Variants in HDGFL3 observed in about 807,000 individuals in gnomAD.
The protein encoded by HDGFL3 is HDGF like 3.
In HDGFL3, 6 loss-of-function variants were observed where a neutral mutation model predicts 27.6. The observed-to-expected ratio is 0.22, with a 90% CI of 0.12 to 0.43. HDGFL3 has a LOEUF of 0.43. Ranked by LOEUF, HDGFL3 falls within the 20% of genes least tolerant of loss-of-function variation. The pLI, the probability that HDGFL3 is intolerant of heterozygous loss-of-function variation, is 1.00. For synonymous variants in HDGFL3, 88 were observed against 88.9 expected (o/e 0.99, Z 0.05); for missense variants, 207 against 250.1 (o/e 0.83, Z 1.16).
intron 1 of HDGFL3, among the ~76,000 whole-genome samples, chr15:83,201,314 C>T (rs1309565716): frequency 2.6e-5 from 4 of 152,068 alleles, no homozygotes; most frequent in East Asian, 1.9e-4. Flanking sequence ...CTCCATCAAA[C>T]GGCTCTAAAA....
At chr15:83,123,025 C>T (rs941981327), downstream of HDGFL3, 1 of 870,586 alleles carries the variant, frequency 1.1e-6, no homozygotes, top group Non-Finnish European at 1.7e-6. Context: ...GTAGCATTAG[C>T]TTACGTATTA....
At chr15:83,143,897 GTTTT>G (rs562134218) in intron 5 of HDGFL3, among the ~76,000 whole-genome samples, 4 of 151,944 alleles carry the variant, frequency 2.6e-5, no homozygotes, top group Middle Eastern at 3.4e-3. Flanking sequence ...GTAGCCTTGT[GTTTT>G]TTTTGTTTGT....
At chr15:83,147,841 G>T (rs1458752439) in intron 5 of HDGFL3, among the ~76,000 whole-genome samples, 1 of 152,064 alleles carries the variant, frequency 6.6e-6, no homozygotes, top group Non-Finnish European at 1.5e-5. Flanking sequence ...AAATTGAATA[G>T]ACAAGCCATA....
chr15:83,187,781 G>A (rs554769660), intron 1 of HDGFL3, among the ~76,000 whole-genome samples: 4 of 151,990 alleles, frequency 2.6e-5, no homozygotes, highest in South Asian at 2.1e-4. Flanking sequence ...CCAGCTACTC[G>A]GGAGGCTGAG....
chr15:83,175,104 C>T (rs527299189), intron 1 of HDGFL3, among the ~76,000 whole-genome samples: 6 of 152,182 alleles, frequency 3.9e-5, no homozygotes, highest in Admixed American at 2.0e-4. Context: ...CCATAGTTGC[C>T]CACTTTAGAC....
chr15:83,144,416 G>A (rs1407944912), intron 5 of HDGFL3: 3 of 456,022 alleles, frequency 6.6e-6, no homozygotes, highest in East Asian at 6.9e-5. Flanking sequence ...TAAACAGAAT[G>A]AAGCAAAAGT....
At chr15:83,160,979 A>G (rs957402084) in intron 2 of HDGFL3, among the ~76,000 whole-genome samples, 10 of 152,188 alleles carry the variant, frequency 6.6e-5, no homozygotes, top group Non-Finnish European at 1.2e-4. Context: ...GAAATAATTT[A>G]TTACATTACT....
chr15:83,189,946 C>T (rs369743037), intron 1 of HDGFL3, among the ~76,000 whole-genome samples: 3 of 152,108 alleles, frequency 2.0e-5, no homozygotes, highest in East Asian at 3.9e-4. Flanking sequence ...AGCTTGGGTT[C>T]TATGATTCCA....
At chr15:83,117,631 T>C (rs906046414) in intron 3 of HDGFL3, among the ~76,000 whole-genome samples, 7 of 151,620 alleles carry the variant, frequency 4.6e-5, no homozygotes, top group South Asian at 4.2e-4. Flanking sequence ...GTGGTAAGCA[T>C]TGGGGCAGAC....
At position 83,178,084 on chromosome 15, in the gene HDGFL3, T is replaced by C. The variant is rs551198546; in HGVS notation, c.85-14009A>G. On this transcript the variant is annotated intron_variant, in intron 1 of 5. Transcript: ENST00000299633. ...GATGAATACTGAAAGCTGTGAAGGT[T>C]TGTGGAAAGGAAAATGTATTTGCTT... is the stretch of plus-strand genomic sequence containing the variant. Among the ~76,000 whole-genome samples the C allele has an allele frequency of 1.8e-4, 27 of 152,312 alleles. 1 individual carries two copies. In the South Asian group the frequency reaches 5.4e-3, roughly 30 times the overall value.
intron 1 of HDGFL3, among the ~76,000 whole-genome samples, chr15:83,199,336 A>G (rs77618143): frequency 0.12 from 17,518 of 152,204 alleles, 1,220 homozygotes; most frequent in East Asian, 0.35. Context: ...TGTCAAAGGA[A>G]AAGGAAATAG....
At chr15:83,168,154 A>C (rs1262008690) in intron 1 of HDGFL3, among the ~76,000 whole-genome samples, 1 of 152,256 alleles carries the variant, frequency 6.6e-6, no homozygotes, top group Non-Finnish European at 1.5e-5. Flanking sequence ...GATACAGCAA[A>C]AGCAGTGTTA....
intron 5 of HDGFL3, among the ~76,000 whole-genome samples, chr15:83,141,900 GACAA>G (rs1255653446): frequency 6.6e-6 from 1 of 152,202 alleles, no homozygotes; most frequent in Admixed American, 6.5e-5. Context: ...CAGAGCGCTA[GACAA>G]ACAGGCATAT....
intron 1 of HDGFL3, among the ~76,000 whole-genome samples, chr15:83,195,396 C>T (rs2037557184): frequency 6.6e-6 from 1 of 151,848 alleles, no homozygotes. Flanking sequence ...ATAGTCTGAT[C>T]ATGATACTGA....
rs2036977600 is a variant in HDGFL3 at position 83,152,679 on chromosome 15, T to C, written c.460-1318A>G. Among the ~76,000 whole-genome samples the C allele has an allele frequency of 2.1e-5, 3 of 144,716 alleles. No homozygotes were observed. In the South Asian group the frequency reaches 6.5e-4, roughly 31 times the overall value. 94.9% of individuals were successfully genotyped at this position (144,716 alleles called of 152,430 possible). A position where few individuals can be genotyped will look rare whatever the true frequency, so the allele number is the denominator to read the frequency against. On this transcript the variant is annotated intron_variant, in intron 4 of 5. Coordinates refer to ENST00000299633, the MANE Select transcript of HDGFL3 (RefSeq NM_016073.4). ...GCCTGGGTGACAGAGTTAGACTCTGTCTCGAAAAAAAAAAAAAAAACAAAA... is the reference window on the plus strand; with the variant it reads ...GCCTGGGTGACAGAGTTAGACTCTGCCTCGAAAAAAAAAAAAAAAACAAAA...
At chr15:83,123,924 G>A (rs1315323326), downstream of HDGFL3, among the ~76,000 whole-genome samples, 1 of 152,058 alleles carries the variant, frequency 6.6e-6, no homozygotes, top group Non-Finnish European at 1.5e-5. Context: ...GAATTGCTCT[G>A]CAAAGCAATT....
exon 4 of HDGFL3, chr15:83,112,946 A>G: frequency 6.9e-7 from 1 of 1,438,924 alleles, no homozygotes. Context: ...TTAATAACAC[A>G]ATACTTTCAG....
chr15:83,154,834 G>C (rs1267115169), intron 4 of HDGFL3, among the ~76,000 whole-genome samples: 1 of 152,086 alleles, frequency 6.6e-6, no homozygotes, highest in Non-Finnish European at 1.5e-5. Flanking sequence ...ATTATGCTAG[G>C]TTATTTCATT....
In HDGFL3 at chr15:83,138,020, G is replaced by C. The variant is rs1057057655; in HGVS notation, c.*1250C>G. On this transcript the variant is annotated 3_prime_UTR_variant, in exon 6 of 6. Coordinates refer to ENST00000299633, the MANE Select transcript of HDGFL3 (RefSeq NM_016073.4). Reference sequence around the variant, plus strand: ...GAGTGTTTAAAAAAAAAAAAAGAAAGAAAAAGAAAAACCCTCACCTGCACT... The same window carrying C: ...GAGTGTTTAAAAAAAAAAAAAGAAACAAAAAGAAAAACCCTCACCTGCACT... The C allele has an allele frequency of 5.4e-5, 8 of 149,064 alleles. No individual in the cohort carries two copies. Among genetic ancestry groups the C allele is most frequent in the African/African-American group, 1.5e-4 (6 of 40,598 alleles). 9.2% of individuals were successfully genotyped at this position (149,064 alleles called of 1,614,324 possible).
Sources: allele counts gnomAD v4.1 joint callset (sites outside exome capture counted in the v4.1 genomes callset), GRCh38; gene constraint gnomAD v4.1.1; transcripts MANE v1.5; gene names NCBI Gene and HGNC (gene_info 2026-07-23, HGNC 2026-07-21).